TGFBI: variants seen among roughly 807,000 people sequenced by gnomAD.
TGFBI encodes transforming growth factor-beta-induced protein ig-h3.
TGFBI carries 50 observed loss-of-function variants against 73.7 expected under a neutral mutation model. The ratio of observed to expected loss-of-function variants is 0.68; its 90% CI spans 0.54 to 0.86. The LOEUF is 0.86. Ranked by LOEUF, TGFBI falls within the 40% of genes least tolerant of loss-of-function variation. TGFBI has a pLI of 0.00. For synonymous variants in TGFBI, 362 were observed against 360.5 expected (o/e 1.00, Z -0.05); for missense variants, 839 against 877.0 (o/e 0.96, Z 0.55).
chr5:136,062,713 A>G (rs942557794), intron 16 of TGFBI, 26 bp downstream of exon 16: 5 of 1,562,326 alleles, frequency 3.2e-6, no homozygotes, highest in Admixed American at 1.9e-5. Context: ...GTTTGAAGTC[A>G]TTGCAGACCT....
At chr5:136,032,777 C>T (rs1209894928) in intron 1 of TGFBI, among the ~76,000 whole-genome samples, 3 of 152,186 alleles carry the variant, frequency 2.0e-5, no homozygotes, top group African/African-American at 7.2e-5. Context: ...AGCACAGCAG[C>T]TTCCTTTCCC....
chr5:136,051,387 G>A (rs938450972), intron 7 of TGFBI, among the ~76,000 whole-genome samples: 46 of 152,138 alleles, frequency 3.0e-4, no homozygotes, highest in Non-Finnish European at 5.4e-4. Context: ...CCCAGATCAT[G>A]CCACTGCACT....
At chr5:136,062,369 C>A (rs948251168) in intron 15 of TGFBI, among the ~76,000 whole-genome samples, 9 of 152,160 alleles carry the variant, frequency 5.9e-5, no homozygotes, top group South Asian at 2.1e-4. Context: ...CCTGAGGCCA[C>A]CTCTGTGCAG....
chr5:136,047,104 C>G, intron 5 of TGFBI, 89 bp downstream of exon 5: 1 of 1,549,982 alleles, frequency 6.5e-7, no homozygotes, highest in Non-Finnish European at 8.7e-7. Context: ...GGGGTTTAAG[C>G]TGTAGACAAC....
chr5:136,041,815 T>A lies in TGFBI; in HGVS notation c.234-2243T>A, dbSNP rs146084883. Among the ~76,000 whole-genome samples the A allele has an allele frequency of 2.8e-4, 43 of 152,134 alleles. 1 individual carries two copies. The East Asian group carries it at 7.6e-3, about 27-fold the overall frequency. ...AACCAATGAGTTAATATTTGAGGAG[T>A]TGGTTTTCTTTTGTCCTCAATGAGA... On this transcript the variant is annotated intron_variant, in intron 2 of 16. Transcript: ENST00000442011.
In TGFBI at chr5:136,063,245, G is replaced by T; in HGVS notation, c.*19G>T. The T allele has an allele frequency of 6.2e-7, 1 of 1,610,374 alleles. No homozygotes were observed. The highest frequency in any genetic ancestry group is 8.5e-7 in the Non-Finnish European group (1 of 1,176,850). On this transcript the variant is annotated 3_prime_UTR_variant, in exon 17 of 17. Coordinates refer to ENST00000442011, the MANE Select transcript of TGFBI (RefSeq NM_000358.3). ...GCATTAGCTTGAAGCACTACAGGAG[G>T]AATGCACCACGGCAGCTCTCCGCCA...
Position 136,033,769 on chromosome 5 carries a change from C to T in TGFBI, c.141C>T (p.Asn47=), listed in dbSNP as rs368854767. 1.2e-4 allele frequency: 190 copies of T among 1,613,764 alleles called. No individual in the cohort carries two copies. In the African/African-American group the frequency reaches 1.8e-3, roughly 15 times the overall value. Residue 47 remains asparagine (N), a synonymous_variant, in exon 2 of 17, where the codon AAC becomes AAT. Transcript: ENST00000442011. ...CTGCTGCTTTTGTTTTCAGCCCCAACGTGTGTGCTGTGCAGAAGGTTATTG... is the reference window on the plus strand; with the variant it reads ...CTGCTGCTTTTGTTTTCAGCCCCAATGTGTGTGCTGTGCAGAAGGTTATTG... The part of the protein sequence containing the change: ...SRLRGRQHGP[N]VCAVQKVIGT...
intron 13 of TGFBI, 47 bp downstream of exon 13, chr5:136,059,261 G>T: frequency 6.3e-7 from 1 of 1,597,558 alleles, no homozygotes; most frequent in East Asian, 2.3e-5. Context: ...CCCAGGGCAG[G>T]GCTCCAGGAC....
intron 2 of TGFBI, among the ~76,000 whole-genome samples, chr5:136,040,705 G>A (rs750389224): frequency 1.2e-4 from 18 of 152,184 alleles, no homozygotes; most frequent in Non-Finnish European, 2.4e-4. Context: ...GCCTTTAATC[G>A]GAACAGCTTT....
chr5:136,041,194 A>G (rs1010351310), intron 2 of TGFBI, among the ~76,000 whole-genome samples: 4 of 152,260 alleles, frequency 2.6e-5, no homozygotes, highest in African/African-American at 9.6e-5. Context: ...AGAGAGTGAC[A>G]GAGATGCCAG....
intron 6 of TGFBI, 174 bp from the exon 7 acceptor site, chr5:136,049,265 C>A: frequency 1.3e-6 from 1 of 787,280 alleles, no homozygotes; most frequent in Non-Finnish European, 1.9e-6. Flanking sequence ...TCAGGCCCAG[C>A]AAGGCCCCCT....
At chr5:136,050,130 T>C in intron 7 of TGFBI, among the ~76,000 whole-genome samples, 1 of 152,128 alleles carries the variant, frequency 6.6e-6, no homozygotes, top group Admixed American at 6.5e-5. Context: ...ATCTGGAATT[T>C]GAGACCAGCC....
At chr5:136,061,254 A>G in intron 14 of TGFBI, 2 of 581,504 alleles carry the variant, frequency 3.4e-6, no homozygotes, top group East Asian at 5.8e-5. Flanking sequence ...ATCTCACCTC[A>G]GTGTATGTTC....
chr5:136,056,505 T>G (rs1031183804), intron 11 of TGFBI, 160 bp from the exon 12 acceptor site: 1 of 818,394 alleles, frequency 1.2e-6, no homozygotes, highest in Non-Finnish European at 1.9e-6. Flanking sequence ...TCCCTCTTTG[T>G]GCATACGGAG....
intron 6 of TGFBI, 22 bp from the exon 7 acceptor site, chr5:136,049,417 C>T (rs1459844102): frequency 6.2e-7 from 1 of 1,612,008 alleles, no homozygotes; most frequent in African/African-American, 1.3e-5. Flanking sequence ...AGGGAGCACT[C>T]CATCTTCTCT....
chr5:136,051,633 C>T (rs1401987856), intron 7 of TGFBI, among the ~76,000 whole-genome samples: 2 of 152,186 alleles, frequency 1.3e-5, no homozygotes, highest in Non-Finnish European at 1.5e-5. Flanking sequence ...CAACAGTCTC[C>T]TGCTGTTACC....
intron 7 of TGFBI, among the ~76,000 whole-genome samples, chr5:136,050,866 G>A (rs1274321253): frequency 6.6e-6 from 1 of 152,180 alleles, no homozygotes; most frequent in African/African-American, 2.4e-5. Flanking sequence ...GTACCTCTAT[G>A]CGCCTGGCCG....
intron 3 of TGFBI, 140 bp downstream of exon 3, chr5:136,044,262 G>A (rs1207790842): frequency 5.5e-6 from 4 of 733,664 alleles, no homozygotes; most frequent in Non-Finnish European, 9.4e-6. Context: ...GTGCCCACTG[G>A]CCCCAGGCTC....
intron 2 of TGFBI, among the ~76,000 whole-genome samples, chr5:136,043,244 T>C (rs1423848953): frequency 1.3e-5 from 2 of 152,210 alleles, no homozygotes; most frequent in African/African-American, 4.8e-5. Flanking sequence ...ACTTCCTTCC[T>C]TGCAATATTA....
Sources: allele counts gnomAD v4.1 joint callset (sites outside exome capture counted in the v4.1 genomes callset), GRCh38; gene constraint gnomAD v4.1.1; transcripts MANE v1.5; gene names NCBI Gene and HGNC (gene_info 2026-07-23, HGNC 2026-07-21).